Variants in ING5 observed in about 807,000 individuals in gnomAD.
The protein encoded by ING5 is inhibitor of growth family member 5.
Under a neutral mutation model 37.4 loss-of-function variants are expected in ING5, and 17 were observed. That is an observed-to-expected ratio of 0.45 (90% CI 0.31 to 0.68). The LOEUF (loss-of-function observed/expected upper bound fraction) is 0.68, where lower values mean the gene tolerates loss of function less well. Ranked by LOEUF, ING5 falls within the 30% of genes least tolerant of loss-of-function variation. The pLI, the probability that ING5 is intolerant of heterozygous loss-of-function variation, is 0.05. For synonymous variants in ING5, 123 were observed against 116.6 expected, an observed-to-expected ratio of 1.06 and a Z score of -0.36; for missense variants, 233 against 311.9, an observed-to-expected ratio of 0.75 and a Z score of 1.91.
At chr2:241,716,752 C>A (rs892060861) in intron 5 of ING5, among the ~76,000 whole-genome samples, 10 of 152,148 alleles carry the variant, frequency 6.6e-5, no homozygotes, top group African/African-American at 2.4e-4. Context: ...TGCCTGTGAT[C>A]TGAGCTTCCC....
At chr2:241,720,162 G>T in intron 5 of ING5, 1 of 1,236,788 alleles carries the variant, frequency 8.1e-7, no homozygotes, top group Non-Finnish European at 1.0e-6. Flanking sequence ...CTGCCGGGGC[G>T]GGAGTGTGCA....
chr2:241,693,449 A>G (rs923417779), intron 2 of ING5, among the ~76,000 whole-genome samples: 4 of 151,674 alleles, frequency 2.6e-5, no homozygotes, highest in Admixed American at 6.6e-5. Flanking sequence ...TAGATGTGGC[A>G]TGTGGACCTT....
chr2:241,702,026 C>A, upstream of ING5: 1 of 1,346,404 alleles, frequency 7.4e-7, no homozygotes, highest in South Asian at 1.6e-5. Flanking sequence ...CCCGCGGCAC[C>A]GCCCGCCCGC....
upstream of ING5, chr2:241,701,891 C>T (rs1034922678): frequency 1.7e-5 from 6 of 346,046 alleles, no homozygotes; most frequent in East Asian, 9.1e-5. Flanking sequence ...CAACCTCCGC[C>T]CGGGCCCCGC....
At chr2:241,719,470 T>C (rs1322952349) in intron 5 of ING5, 2 of 1,311,358 alleles carry the variant, frequency 1.5e-6, no homozygotes, top group Admixed American at 3.9e-5. Context: ...GGGTTTTGTG[T>C]TTTCTAACTC....
intron 2 of ING5, among the ~76,000 whole-genome samples, chr2:241,708,144 C>T (rs540433202): frequency 2.6e-5 from 4 of 152,116 alleles, no homozygotes; most frequent in Non-Finnish European, 5.9e-5. Flanking sequence ...GATCCTCCTG[C>T]CTTGGCCTCC....
In ING5 at chr2:241,729,310, A is replaced by C. The variant is rs927850393; in HGVS notation, c.*4279A>C. 1 of 152,632 alleles carries C rather than the reference A, an allele frequency of 6.6e-6. No individual in the cohort carries two copies. Among genetic ancestry groups the C allele is most frequent in the Admixed American group, 6.5e-5 (1 of 15,282 alleles). The allele number at this position is 152,632 out of a possible 1,614,324, so 9.5% of individuals were successfully genotyped here. A position where few individuals can be genotyped will look rare whatever the true frequency, so the allele number is the denominator to read the frequency against. ...AAACGATGATGCAGCTTTAACATGA[A>C]TGTTACATTTTTATTTTCAAGGAAT... On this transcript the variant is annotated 3_prime_UTR_variant, in exon 8 of 8. Transcript: ENST00000313552.
chr2:241,707,572 C>T (rs866975635), intron 2 of ING5, among the ~76,000 whole-genome samples: 3 of 152,286 alleles, frequency 2.0e-5, no homozygotes, highest in Non-Finnish European at 1.5e-5. Flanking sequence ...GGATTACAGA[C>T]GTGAGTACCA....
rs1691611146 is a variant in ING5 at position 241,726,096 on chromosome 2, C to T, written c.*1065C>T. 1 of 152,560 alleles carries T rather than the reference C, an allele frequency of 6.6e-6. No homozygotes were observed. Among genetic ancestry groups the T allele is most frequent in the Non-Finnish European group, 1.5e-5 (1 of 68,038 alleles). 9.5% of individuals were successfully genotyped at this position (152,560 alleles called of 1,614,324 possible). ...GCTATGCAGATTTGCTCTGTTGTGA[C>T]GCGTTGGTGACGGTGCCCAGCCTGC... On this transcript the variant is annotated 3_prime_UTR_variant, in exon 8 of 8. Coordinates refer to ENST00000313552, the MANE Select transcript of ING5 (RefSeq NM_032329.6).
At chr2:241,703,108 T>G (rs895657959) in intron 1 of ING5, among the ~76,000 whole-genome samples, 4 of 151,310 alleles carry the variant, frequency 2.6e-5, no homozygotes, top group Non-Finnish European at 4.4e-5. Flanking sequence ...GGTAGAAGAG[T>G]CAAGCTGGGG....
At chr2:241,690,803 CTT>C (rs113792539) in intron 2 of ING5, 541 of 333,124 alleles carry the variant, frequency 1.6e-3, no homozygotes, top group East Asian at 6.3e-3. Context: ...TCTCTGCTTG[CTT>C]TTTTTTTTTT....
intron 5 of ING5, among the ~76,000 whole-genome samples, chr2:241,713,525 C>T (rs1482350831): frequency 6.6e-6 from 1 of 151,576 alleles, no homozygotes; most frequent in African/African-American, 2.4e-5. Context: ...TGCATGCCAC[C>T]ACACCCAGCC....
chr2:241,707,567 A>G (rs763388421), intron 2 of ING5, among the ~76,000 whole-genome samples: 4 of 152,200 alleles, frequency 2.6e-5, no homozygotes, highest in South Asian at 2.1e-4. Context: ...TGCTGGGATT[A>G]CAGACGTGAG....
Position 241,727,963 on chromosome 2 carries a change from T to C in ING5, c.*2932T>C, listed in dbSNP as rs1356923127. On this transcript the variant is annotated 3_prime_UTR_variant, in exon 8 of 8. Transcript: ENST00000313552. ...CATCCCAGGTATTGAATTTTGACCTTTTCTTTTCAAGTTTCTGTGCTTAGT... is the reference window on the plus strand; with the variant it reads ...CATCCCAGGTATTGAATTTTGACCTCTTCTTTTCAAGTTTCTGTGCTTAGT... 2 of 152,246 alleles carry C rather than the reference T, an allele frequency of 1.3e-5. No individual in the cohort carries two copies. Among genetic ancestry groups the C allele is most frequent in the African/African-American group, 2.4e-5 (1 of 41,436 alleles). 9.4% of individuals were successfully genotyped at this position (152,246 alleles called of 1,614,324 possible). A position where few individuals can be genotyped will look rare whatever the true frequency, so the allele number is the denominator to read the frequency against.
Position 241,702,061 on chromosome 2 carries a change from C to G in ING5, c.-5C>G. 1.4e-6 allele frequency: 2 copies of G among 1,387,686 alleles called. No homozygotes were observed. The highest frequency in any genetic ancestry group is 1.5e-5 in the African/African-American group (1 of 65,720). The allele number at this position is 1,387,686 out of a possible 1,614,324, so 86.0% of individuals were successfully genotyped here. ...CGCAGACCCCGAGCGCGGCCGCGGA[C>G]GAAGATGGCGACCGCCATGTACTTG... On this transcript the variant is annotated 5_prime_UTR_variant, in exon 1 of 8. Transcript: ENST00000313552.
Position 241,702,040 on chromosome 2 carries a change from G to C in ING5, c.-26G>C. 1.5e-6 allele frequency: 2 copies of C among 1,369,530 alleles called. No homozygotes were observed. Among genetic ancestry groups the C allele is most frequent in the East Asian group, 3.3e-5 (1 of 30,310 alleles). 84.8% of individuals were successfully genotyped at this position (1,369,530 alleles called of 1,614,324 possible). A position where few individuals can be genotyped will look rare whatever the true frequency, so the allele number is the denominator to read the frequency against. ...TCCCGCGGCACCGCCCGCCCGCGCA[G>C]ACCCCGAGCGCGGCCGCGGACGAAG... On this transcript the variant is annotated 5_prime_UTR_variant, in exon 1 of 8. Transcript: ENST00000313552.
chr2:241,711,218 T>C (rs1046328522), intron 3 of ING5, among the ~76,000 whole-genome samples, 159 bp from the exon 4 acceptor site: 3 of 152,334 alleles, frequency 2.0e-5, no homozygotes, highest in East Asian at 1.9e-4. Flanking sequence ...GACCCTTGCA[T>C]GGACTTTGAA....
intron 5 of ING5, chr2:241,721,371 T>C: frequency 2.0e-6 from 2 of 985,452 alleles, no homozygotes; most frequent in Non-Finnish European, 2.4e-6. Flanking sequence ...GAAACCCCTG[T>C]CTATTCCCAG....
upstream of ING5, chr2:241,702,031 G>A: frequency 1.5e-6 from 2 of 1,352,608 alleles, no homozygotes; most frequent in South Asian, 1.6e-5. Flanking sequence ...GGCACCGCCC[G>A]CCCGCGCAGA....
Sources: allele counts gnomAD v4.1 joint callset (sites outside exome capture counted in the v4.1 genomes callset), GRCh38; gene constraint gnomAD v4.1.1; transcripts MANE v1.5; gene names NCBI Gene and HGNC (gene_info 2026-07-23, HGNC 2026-07-21).